The following ANK3 variants were observed in gnomAD, a reference collection of about 807,000 sequenced individuals.
The protein encoded by ANK3 is ankyrin 3.
In ANK3, 57 loss-of-function variants were observed where a neutral mutation model predicts 370.9. The observed-to-expected ratio is 0.15, with a 90% CI of 0.12 to 0.19. The LOEUF is 0.19. Among genes scored for constraint, ANK3 ranks in the 10% least tolerant of loss-of-function variants. The pLI is 1.00. For missense variants in ANK3, 4,439 were observed against 5,302.1 expected (o/e 0.84, Z 5.06); for synonymous variants, 1,929 against 1,946.3 (o/e 0.99, Z 0.23).
intron 1 of ANK3, among the ~76,000 whole-genome samples, chr10:60,294,901 G>A (rs147960786): frequency 1.2e-4 from 19 of 152,264 alleles, no homozygotes; most frequent in African/African-American, 3.9e-4. Context: ...CTAGAAGTGC[G>A]AAGGAAACAT....
At chr10:60,289,472 C>T (rs990608973) in intron 1 of ANK3, among the ~76,000 whole-genome samples, 5 of 151,836 alleles carry the variant, frequency 3.3e-5, no homozygotes, top group Admixed American at 6.6e-5. Context: ...AGTGCAGTGG[C>T]ATTATCATGG....
intron 1 of ANK3, among the ~76,000 whole-genome samples, chr10:60,287,536 G>T (rs7914992): frequency 0.022 from 3,335 of 152,214 alleles, 116 homozygotes; most frequent in African/African-American, 0.075. Context: ...ATATACCTGG[G>T]ACCTCACTAA....
At chr10:60,696,639 C>A (rs998631010) in intron 1 of ANK3, among the ~76,000 whole-genome samples, 3 of 147,900 alleles carry the variant, frequency 2.0e-5, no homozygotes, top group Admixed American at 6.7e-5. Flanking sequence ...TAAACAGAAC[C>A]AAAGACAAAA....
Position 60,272,398 on chromosome 10 carries a change from T to C in ANK3, c.415-2169A>G, listed in dbSNP as rs1229700946. 4.6e-5 allele frequency among the ~76,000 whole-genome samples: 7 copies of C among 152,272 alleles called. No homozygotes were observed. The East Asian group carries it at 1.4e-3, about 29-fold the overall frequency. On this transcript the variant is annotated intron_variant, in intron 4 of 43. Coordinates refer to ENST00000280772, the MANE Select transcript of ANK3 (RefSeq NM_020987.5). ...TAAGCATCTATCTTCCCTCATCAAG[T>C]GCTCTCTCCGAAAGCTGAAACTTCC...
At chr10:60,395,592 C>CTT (rs1455175530) in intron 2 of ANK3, among the ~76,000 whole-genome samples, 2 of 126,134 alleles carry the variant, frequency 1.6e-5, no homozygotes, top group Non-Finnish European at 3.2e-5. Context: ...TTCTTTCTTT[C>CTT]TTTCTTTCTT....
At position 60,100,234 on chromosome 10, in the gene ANK3, G is replaced by GTTTTTTTTTTTTTTTT. The variant is rs3045340; in HGVS notation, c.3328+5655_3328+5670dup. ...GGCTGAAAGTCAGTATTTTGCTATG[G>GTTTTTTTTTTTTTTTT]TTTTTTTTTTTTTTTTTTTTTTGCA... is the stretch of plus-strand genomic sequence containing the variant. On this transcript the variant is annotated intron_variant, in intron 28 of 43. Coordinates refer to ENST00000280772, the MANE Select transcript of ANK3 (RefSeq NM_020987.5). 1.8e-3 allele frequency among the ~76,000 whole-genome samples: 103 copies of GTTTTTTTTTTTTTTTT among 57,900 alleles called. 26 individuals carry two copies. The highest frequency in any genetic ancestry group is 8.2e-3 in the African/African-American group (96 of 11,736). The allele number at this position is 57,900 out of a possible 152,430, so 38.0% of individuals were successfully genotyped here.
At chr10:60,256,223 T>G (rs1213363937) in intron 7 of ANK3, among the ~76,000 whole-genome samples, 2 of 152,258 alleles carry the variant, frequency 1.3e-5, no homozygotes, top group Non-Finnish European at 2.9e-5. Flanking sequence ...TTTGGCACCT[T>G]GGTGCCTGAA....
At chr10:60,721,935 T>A (rs1335929784) in intron 1 of ANK3, among the ~76,000 whole-genome samples, 1 of 152,172 alleles carries the variant, frequency 6.6e-6, no homozygotes, top group East Asian at 1.9e-4. Context: ...TCTGCAGAAG[T>A]GACTTTGCCA....
chr10:60,072,965 A>G lies in ANK3; in HGVS notation c.7916T>C (p.Leu2639Pro). ...SSPEKVLLTE[L>P]LASNDEWVKA... ...AACCCACTCATCATTGGATGCCAGC[A>G]GTTCTGTCAGTAGCACTTTCTCAGG... is the stretch of plus-strand genomic sequence containing the variant. The change falls in exon 37 of 44, where the codon CTG becomes CCG. Residue 2639 changes from leucine (L) to proline (P), a missense_variant. Transcript: ENST00000280772. 1 of 1,614,100 alleles carries G rather than the reference A, an allele frequency of 6.2e-7. No individual in the cohort carries two copies. The highest frequency in any genetic ancestry group is 8.5e-7 in the Non-Finnish European group (1 of 1,180,018).
chr10:60,661,180 G>A (rs552487080), intron 1 of ANK3, among the ~76,000 whole-genome samples: 1 of 150,272 alleles, frequency 6.7e-6, no homozygotes, highest in Admixed American at 6.6e-5. Flanking sequence ...TTCAAACACT[G>A]TCAATGACGG....
intron 23 of ANK3, among the ~76,000 whole-genome samples, chr10:60,164,630 C>T (rs1032491390): frequency 2.6e-5 from 4 of 152,104 alleles, no homozygotes; most frequent in African/African-American, 9.7e-5. Flanking sequence ...TACACCAAAG[C>T]TTGAATCAAT....
At chr10:60,685,006 T>TG in intron 1 of ANK3, 1 of 1,549,468 alleles carries the variant, frequency 6.5e-7, no homozygotes, top group Admixed American at 1.7e-5. Context: ...GCAGCCTACC[T>TG]GCGCAATCAT....
At chr10:60,606,800 C>T (rs1274737203) in intron 2 of ANK3, among the ~76,000 whole-genome samples, 2 of 152,182 alleles carry the variant, frequency 1.3e-5, no homozygotes, top group Admixed American at 1.3e-4. Context: ...TTACTCATTT[C>T]AGCTTCCTGC....
chr10:60,299,501 G>A (rs1189991915), intron 1 of ANK3, among the ~76,000 whole-genome samples: 1 of 152,062 alleles, frequency 6.6e-6, no homozygotes, highest in Non-Finnish European at 1.5e-5. Context: ...GGAATCTAAG[G>A]TGTTCTCAGA....
rs565531273 is a variant in ANK3 at position 60,658,586 on chromosome 10, C to T, written c.58-43362G>A. ...TTTTGTTTTAAGCGATTATAGCTTT[C>T]GTATTTACCCACATATTCACCATCT... is the stretch of plus-strand genomic sequence containing the variant. On this transcript the variant is annotated intron_variant, in intron 1 of 43. Coordinates refer to the ANK3 transcript ENST00000373827. Among the ~76,000 whole-genome samples, 8 of 152,134 alleles carry T rather than the reference C, an allele frequency of 5.3e-5. No homozygotes were observed. The East Asian group carries it at 5.8e-4, about 11-fold the overall frequency.
At chr10:60,428,263 C>G (rs553976717) in intron 2 of ANK3, among the ~76,000 whole-genome samples, 5 of 152,138 alleles carry the variant, frequency 3.3e-5, no homozygotes, top group African/African-American at 7.2e-5. Flanking sequence ...TGACCAAGCA[C>G]GAGAATAACG....
chr10:60,551,414 A>G (rs543969859), intron 2 of ANK3, among the ~76,000 whole-genome samples: 1 of 152,280 alleles, frequency 6.6e-6, no homozygotes, highest in South Asian at 2.1e-4. Context: ...ACAAATTTAA[A>G]TTAGTACACA....
chr10:60,415,476 G>C (rs773736678), intron 2 of ANK3, among the ~76,000 whole-genome samples: 25 of 152,094 alleles, frequency 1.6e-4, no homozygotes, highest in Non-Finnish European at 3.1e-4. Flanking sequence ...GCTGCAACCC[G>C]AGTGTCCAGA....
At chr10:60,404,781 G>C (rs1018725146) in intron 2 of ANK3, among the ~76,000 whole-genome samples, 11 of 152,054 alleles carry the variant, frequency 7.2e-5, no homozygotes, top group Non-Finnish European at 2.9e-5. Context: ...AAATGAATAG[G>C]CCACGAGTGG....
Sources: allele counts gnomAD v4.1 joint callset (sites outside exome capture counted in the v4.1 genomes callset), GRCh38; gene constraint gnomAD v4.1.1; transcripts MANE v1.5; gene names NCBI Gene and HGNC (gene_info 2026-07-23, HGNC 2026-07-21).